GPD2: variants seen among roughly 807,000 people sequenced by gnomAD.
GPD2 encodes glycerol-3-phosphate dehydrogenase 2, also known as glycerol-3-phosphate dehydrogenase, mitochondrial.
GPD2 carries 54 observed loss-of-function variants against 82.4 expected under a neutral mutation model. The observed-to-expected ratio is 0.66, with a 90% CI of 0.53 to 0.82. The LOEUF (loss-of-function observed/expected upper bound fraction) is 0.82. Ranked by LOEUF, GPD2 falls within the 40% of genes least tolerant of loss-of-function variation. The pLI is 0.00. For synonymous variants in GPD2, 288 were observed against 306.1 expected (o/e 0.94, Z 0.62); for missense variants, 748 against 896.2 (o/e 0.83, Z 2.11).
chr2:156,498,022 C>T (rs991033052), intron 3 of GPD2, among the ~76,000 whole-genome samples: 2 of 152,034 alleles, frequency 1.3e-5, no homozygotes, highest in Non-Finnish European at 2.9e-5. Flanking sequence ...TTGGAACTAC[C>T]CCTCCAAGAA....
intron 3 of GPD2, among the ~76,000 whole-genome samples, chr2:156,497,251 G>T (rs1422035108): frequency 6.6e-6 from 1 of 152,154 alleles, no homozygotes; most frequent in Non-Finnish European, 1.5e-5. Flanking sequence ...AATGATTGTT[G>T]TGAGAGTTAC....
At chr2:156,465,779 A>AGGGGC (rs1683132523) in intron 1 of GPD2, among the ~76,000 whole-genome samples, 2 of 152,182 alleles carry the variant, frequency 1.3e-5, no homozygotes, top group Non-Finnish European at 2.9e-5. Flanking sequence ...GGGTTAGTAA[A>AGGGGC]GGGGCGGAAA....
chr2:156,513,598 A>G, intron 6 of GPD2, 102 bp downstream of exon 6: 1 of 895,984 alleles, frequency 1.1e-6, no homozygotes, highest in South Asian at 1.4e-5. Context: ...TTTAAATACT[A>G]ATCTTACACA....
intron 6 of GPD2, among the ~76,000 whole-genome samples, chr2:156,539,667 G>A (rs750252047): frequency 7.2e-5 from 11 of 152,134 alleles, no homozygotes; most frequent in Non-Finnish European, 1.3e-4. Flanking sequence ...GCTCACACTC[G>A]AAATCACCCC....
In GPD2 at chr2:156,466,853, C is replaced by T. The variant is rs150796601; in HGVS notation, c.-8-9245C>T. Among the ~76,000 whole-genome samples the T allele has an allele frequency of 8.0e-3, 1,218 of 152,226 alleles. 4 individuals are homozygous for T. Among genetic ancestry groups the T allele is most frequent in the Non-Finnish European group, 0.012 (787 of 68,006 alleles). ...GTACCTTTTACTTGCATTTTTTGAA[C>T]TCTGCCCCTGAAACTAGCTCAACTC... On this transcript the variant is annotated intron_variant, in intron 1 of 16. Transcript: ENST00000438166.
intron 6 of GPD2, among the ~76,000 whole-genome samples, chr2:156,519,596 C>T (rs1685321965): frequency 6.6e-6 from 1 of 152,184 alleles, no homozygotes; most frequent in Admixed American, 6.5e-5. Context: ...TATTGATACA[C>T]ATAAAAGAAT....
chr2:156,432,960 C>T (rs1055648412), upstream of GPD2, among the ~76,000 whole-genome samples: 3 of 152,184 alleles, frequency 2.0e-5, no homozygotes, highest in Non-Finnish European at 2.9e-5. Context: ...TTTCTGCTGT[C>T]CTTTGGTTGT....
the GPD2 span, among the ~76,000 whole-genome samples, chr2:156,410,135 T>C: frequency 1.3e-5 from 2 of 152,222 alleles, no homozygotes; most frequent in South Asian, 2.1e-4. Flanking sequence ...TTTATTTATT[T>C]TTCTTCCATT....
chr2:156,493,928 G>A (rs900443829), intron 2 of GPD2, among the ~76,000 whole-genome samples: 3 of 42,408 alleles, frequency 7.1e-5, no homozygotes, highest in African/African-American at 1.3e-4. Flanking sequence ...ATATATGTAT[G>A]TGTGTGTGTG....
the GPD2 span, among the ~76,000 whole-genome samples, chr2:156,422,883 A>T: frequency 1.6e-4 from 25 of 152,220 alleles, no homozygotes; most frequent in Non-Finnish European, 3.7e-4. Flanking sequence ...AATATTAAAA[A>T]TAAATAAATA....
At chr2:156,547,798 G>T (rs1664002483) in intron 6 of GPD2, among the ~76,000 whole-genome samples, 1 of 152,164 alleles carries the variant, frequency 6.6e-6, no homozygotes, top group South Asian at 2.1e-4. Flanking sequence ...TCTTTTTAAA[G>T]TCACCTTAGA....
chr2:156,462,540 G>T (rs1322505856), intron 1 of GPD2, among the ~76,000 whole-genome samples: 1 of 150,046 alleles, frequency 6.7e-6, no homozygotes, highest in Admixed American at 6.7e-5. Flanking sequence ...ACCCTCAGGT[G>T]ATCTGCCTGC....
chr2:156,548,854 T>C (rs1686647209), intron 6 of GPD2, among the ~76,000 whole-genome samples: 1 of 152,138 alleles, frequency 6.6e-6, no homozygotes, highest in African/African-American at 2.4e-5. Context: ...CAGCGTTAAC[T>C]CCACTGGCAA....
intron 9 of GPD2, among the ~76,000 whole-genome samples, chr2:156,564,215 T>C (rs1455835415): frequency 6.6e-6 from 1 of 152,118 alleles, no homozygotes; most frequent in Admixed American, 6.6e-5. Flanking sequence ...GTCTAAGATA[T>C]ATTACTCTTA....
chr2:156,430,379 T>C (rs1476054583), upstream of GPD2, among the ~76,000 whole-genome samples: 2 of 152,206 alleles, frequency 1.3e-5, no homozygotes, highest in African/African-American at 4.8e-5. Context: ...TACATAGTTA[T>C]GCTGAGGATT....
upstream of GPD2, chr2:156,435,608 A>T (rs1688401775): frequency 6.6e-6 from 1 of 152,240 alleles, no homozygotes; most frequent in African/African-American, 2.4e-5. Flanking sequence ...CTGCGCTGAC[A>T]TTCAGGCGGG....
chr2:156,566,666 A>G (rs370293971), intron 9 of GPD2, among the ~76,000 whole-genome samples: 5 of 152,252 alleles, frequency 3.3e-5, no homozygotes, highest in African/African-American at 1.2e-4. Flanking sequence ...TAGTAATGCT[A>G]TGAACAAGGT....
intron 2 of GPD2, among the ~76,000 whole-genome samples, chr2:156,495,119 T>G (rs1684319432): frequency 6.6e-6 from 1 of 152,112 alleles, no homozygotes; most frequent in Non-Finnish European, 1.5e-5. Context: ...CCGAGGCAGA[T>G]GGATTGCTTG....
chr2:156,489,001 G>A (rs1684049471), intron 2 of GPD2, among the ~76,000 whole-genome samples: 2 of 152,140 alleles, frequency 1.3e-5, no homozygotes, highest in African/African-American at 2.4e-5. Context: ...AAGGCAGTTT[G>A]TTTTGTGTGT....
Sources: gnomAD v4.1 joint callset for allele counts (sites outside exome capture counted in the v4.1 genomes callset) on GRCh38, gnomAD v4.1.1 for gene constraint, MANE v1.5 for transcripts, NCBI Gene and HGNC (gene_info 2026-07-23, HGNC 2026-07-21) for gene names.